The following FRMD4A variants were observed in gnomAD, a reference collection of about 807,000 sequenced individuals.
FRMD4A encodes the protein FERM domain containing 4A, also known as FERM domain-containing protein 4A.
A neutral mutation model predicts 129.1 loss-of-function variants in FRMD4A; 29 were observed. The observed-to-expected ratio is 0.22, with a 90% CI of 0.17 to 0.31. FRMD4A has a LOEUF of 0.31. Among genes scored for constraint, FRMD4A ranks in the 10% least tolerant of loss-of-function variants. The pLI is 1.00. For missense variants in FRMD4A, 1,272 were observed against 1,375.8 expected, an observed-to-expected ratio of 0.92 and a Z score of 1.19; for synonymous variants, 634 against 571.6, an observed-to-expected ratio of 1.11 and a Z score of -1.56.
At chr10:14,093,772 A>G (rs958496267) in intron 2 of FRMD4A, among the ~76,000 whole-genome samples, 2 of 152,218 alleles carry the variant, frequency 1.3e-5, no homozygotes, top group Non-Finnish European at 2.9e-5. Flanking sequence ...CTTATTAGTT[A>G]CAAATGTCAC....
At chr10:14,306,875 T>A (rs537975150) in intron 2 of FRMD4A, among the ~76,000 whole-genome samples, 1 of 152,340 alleles carries the variant, frequency 6.6e-6, no homozygotes, top group African/African-American at 2.4e-5. Context: ...AAAGCAATTT[T>A]AGTGTGTATG....
chr10:13,818,988 C>T (rs537801904), intron 3 of FRMD4A, among the ~76,000 whole-genome samples: 5 of 151,992 alleles, frequency 3.3e-5, no homozygotes, highest in African/African-American at 7.2e-5. Flanking sequence ...ATTAGCTGGG[C>T]GTGGTGGCTC....
At chr10:13,749,572 A>G (rs1237771894) in intron 8 of FRMD4A, among the ~76,000 whole-genome samples, 2 of 152,206 alleles carry the variant, frequency 1.3e-5, no homozygotes, top group Non-Finnish European at 1.5e-5. Context: ...TTGGATGCCC[A>G]GTGCCACTGG....
At chr10:14,233,559 G>A (rs1346394338) in intron 2 of FRMD4A, among the ~76,000 whole-genome samples, 1 of 152,234 alleles carries the variant, frequency 6.6e-6, no homozygotes, top group Non-Finnish European at 1.5e-5. Flanking sequence ...CAGGGACAGA[G>A]TGAGACTCCA....
chr10:13,804,576 G>A (rs1384430161), intron 4 of FRMD4A, among the ~76,000 whole-genome samples: 1 of 134,294 alleles, frequency 7.4e-6, no homozygotes, highest in Non-Finnish European at 1.6e-5. Context: ...ACGGAGTCTC[G>A]CTCTGTCGCC....
chr10:14,090,594 A>G (rs905944501), intron 2 of FRMD4A, among the ~76,000 whole-genome samples: 2 of 152,206 alleles, frequency 1.3e-5, no homozygotes, highest in African/African-American at 4.8e-5. Flanking sequence ...TAAAGCCTTC[A>G]TCGATTGCCC....
chr10:13,720,948 T>C (rs1490208907), intron 12 of FRMD4A, among the ~76,000 whole-genome samples: 3 of 152,176 alleles, frequency 2.0e-5, no homozygotes, highest in Non-Finnish European at 4.4e-5. Flanking sequence ...CCTGCAAACA[T>C]TCTCTAAGTG....
At chr10:13,654,785 C>T (rs1373848482) in intron 22 of FRMD4A, 5 of 488,990 alleles carry the variant, frequency 1.0e-5, no homozygotes, top group African/African-American at 5.9e-5. Flanking sequence ...GACCTGGGAT[C>T]CTAGGTCCCC....
At chr10:14,220,582 C>T (rs747209949) in intron 2 of FRMD4A, among the ~76,000 whole-genome samples, 77 of 152,236 alleles carry the variant, frequency 5.1e-4, no homozygotes, top group Non-Finnish European at 8.7e-4. Flanking sequence ...GTCTGAAATC[C>T]CACCGATTAG....
chr10:14,050,951 AG>A (rs1291312911), intron 2 of FRMD4A, among the ~76,000 whole-genome samples: 1 of 152,150 alleles, frequency 6.6e-6, no homozygotes, highest in Non-Finnish European at 1.5e-5. Context: ...GAAACTGAGG[AG>A]GGGATGTGGG....
intron 24 of FRMD4A, chr10:13,651,031 T>A (rs1274911192): frequency 6.6e-6 from 1 of 152,270 alleles, no homozygotes; most frequent in African/African-American, 2.4e-5. Context: ...TTTCAAGCCC[T>A]TGTGTCCCAG....
At chr10:14,180,476 C>A (rs1841877995) in intron 2 of FRMD4A, among the ~76,000 whole-genome samples, 1 of 152,146 alleles carries the variant, frequency 6.6e-6, no homozygotes, top group African/African-American at 2.4e-5. Context: ...CTGCTGATTC[C>A]AACGGGAGGA....
At chr10:13,778,885 C>A (rs953640702) in intron 6 of FRMD4A, among the ~76,000 whole-genome samples, 2 of 152,168 alleles carry the variant, frequency 1.3e-5, no homozygotes, top group African/African-American at 2.4e-5. Context: ...GTGCAGCAAA[C>A]CATCATGGCA....
intron 2 of FRMD4A, among the ~76,000 whole-genome samples, chr10:14,116,244 T>C (rs1838190996): frequency 6.6e-6 from 1 of 152,154 alleles, no homozygotes; most frequent in Admixed American, 6.5e-5. Context: ...CAGGGACATG[T>C]TTCACTTCAG....
chr10:13,653,642 G>A (rs572535296), intron 23 of FRMD4A, among the ~76,000 whole-genome samples: 19 of 152,296 alleles, frequency 1.2e-4, no homozygotes, highest in Non-Finnish European at 2.4e-4. Flanking sequence ...CAGACAAACC[G>A]AGGAAGGGGC....
chr10:13,772,988 G>C (rs771004919), intron 6 of FRMD4A, among the ~76,000 whole-genome samples: 11 of 152,232 alleles, frequency 7.2e-5, no homozygotes, highest in Non-Finnish European at 1.5e-4. Flanking sequence ...ATAAATGCTT[G>C]AGGGGGTGGA....
intron 2 of FRMD4A, among the ~76,000 whole-genome samples, chr10:14,037,906 TA>T (rs1415721390): frequency 6.6e-6 from 1 of 152,240 alleles, no homozygotes; most frequent in African/African-American, 2.4e-5. Context: ...TTCCCTTTTT[TA>T]AACCAAGCTT....
At chr10:13,881,355 C>G (rs747328412) in intron 2 of FRMD4A, among the ~76,000 whole-genome samples, 2 of 151,602 alleles carry the variant, frequency 1.3e-5, no homozygotes, top group Non-Finnish European at 2.9e-5. Context: ...CCCAGGAGTT[C>G]AAGGCTACAG....
intron 2 of FRMD4A, among the ~76,000 whole-genome samples, chr10:14,108,134 T>A (rs1837681891): frequency 6.6e-6 from 1 of 152,224 alleles, no homozygotes; most frequent in African/African-American, 2.4e-5. Flanking sequence ...GTGGGCTTTT[T>A]TTCCCTCTGT....
Sources: gnomAD v4.1 joint callset for allele counts (sites outside exome capture counted in the v4.1 genomes callset) on GRCh38, gnomAD v4.1.1 for gene constraint, MANE v1.5 for transcripts, NCBI Gene and HGNC (gene_info 2026-07-23, HGNC 2026-07-21) for gene names.